Variants in TENM3 observed in about 807,000 individuals in gnomAD.
TENM3 encodes teneurin-3.
Under a neutral mutation model 255.1 loss-of-function variants are expected in TENM3, and 63 were observed. The ratio of observed to expected loss-of-function variants is 0.25; its 90% CI spans 0.20 to 0.30. TENM3 has a LOEUF of 0.30. Among genes scored for constraint, TENM3 ranks in the 10% least tolerant of loss-of-function variants. TENM3 has a pLI of 1.00. For missense variants in TENM3, 2,929 were observed against 3,461.1 expected (o/e 0.85, Z 3.86); for synonymous variants, 1,306 against 1,322.3 (o/e 0.99, Z 0.27).
At chr4:182,235,536 C>T (rs1756840999) in intron 1 of TENM3, among the ~76,000 whole-genome samples, 1 of 152,172 alleles carries the variant, frequency 6.6e-6, no homozygotes, top group Non-Finnish European at 1.5e-5. Flanking sequence ...GTAAGAATAG[C>T]AGAGAGCAAA....
chr4:182,308,924 A>G (rs976784672), intron 1 of TENM3, among the ~76,000 whole-genome samples: 1 of 152,158 alleles, frequency 6.6e-6, no homozygotes, highest in African/African-American at 2.4e-5. Flanking sequence ...CACGAAGAAA[A>G]ATATTCTAGA....
chr4:182,627,729 A>T (rs143858105), intron 4 of TENM3, among the ~76,000 whole-genome samples: 19 of 73,562 alleles, frequency 2.6e-4, no homozygotes, highest in African/African-American at 8.6e-4. Context: ...GTGCTTTTTT[A>T]AAATTTGGAG....
intron 27 of TENM3, among the ~76,000 whole-genome samples, chr4:182,796,986 T>C (rs1050643677): frequency 1.6e-4 from 25 of 152,134 alleles, no homozygotes; most frequent in African/African-American, 4.3e-4. Flanking sequence ...AATGAAAACA[T>C]AGAAATGCAG....
At chr4:182,686,933 T>C (rs1487940491) in intron 11 of TENM3, among the ~76,000 whole-genome samples, 1 of 152,048 alleles carries the variant, frequency 6.6e-6, no homozygotes, top group Admixed American at 6.5e-5. Flanking sequence ...AGATAGAAAA[T>C]ATTGCATGAA....
At chr4:181,865,402 T>G in the TENM3 span, among the ~76,000 whole-genome samples, 5 of 152,218 alleles carry the variant, frequency 3.3e-5, no homozygotes, top group Admixed American at 1.3e-4. Flanking sequence ...ATGATGGCCC[T>G]TCAGGGGACA....
At chr4:182,002,324 G>C in the TENM3 span, among the ~76,000 whole-genome samples, 2 of 152,086 alleles carry the variant, frequency 1.3e-5, no homozygotes, top group African/African-American at 4.8e-5. Flanking sequence ...ACAGGGGAGA[G>C]AGAGAGAGAG....
chr4:181,598,746 T>G, the TENM3 span, among the ~76,000 whole-genome samples: 23 of 151,842 alleles, frequency 1.5e-4, no homozygotes, highest in Non-Finnish European at 2.8e-4. Flanking sequence ...ATAATACAGC[T>G]ATGAAATTCT....
the TENM3 span, among the ~76,000 whole-genome samples, chr4:181,911,204 G>A: frequency 1.9e-4 from 29 of 152,156 alleles, no homozygotes; most frequent in African/African-American, 7.0e-4. Flanking sequence ...AAACCTGCCT[G>A]CATTCTTCAT....
chr4:182,630,334 C>T (rs77839441), intron 5 of TENM3, among the ~76,000 whole-genome samples: 2,265 of 152,134 alleles, frequency 0.015, 61 homozygotes, highest in African/African-American at 0.05. Flanking sequence ...TTCTAGTATT[C>T]GGTTAGAAAA....
rs747628733 is a variant in TENM3, at chr4:182,432,849, G to GGGGTGTGTGTGTGTGTGTGTGTGT, written c.511+85921_511+85922insGGTGTGTGTGTGTGTGTGTGTGTG. On this transcript the variant is annotated intron_variant, in intron 3 of 27. Coordinates refer to ENST00000511685, the MANE Select transcript of TENM3 (RefSeq NM_001080477.4). ...AATTTTTCATCAGGGAATGGATTTG[G>GGGGTGTGTGTGTGTGTGTGTGTGT]GTGTGTGTGTGTGTGTTTTAGTAGA... 3.5e-3 allele frequency among the ~76,000 whole-genome samples: 505 copies of GGGGTGTGTGTGTGTGTGTGTGTGT among 143,072 alleles called. 6 individuals are homozygous for GGGGTGTGTGTGTGTGTGTGTGTGT. The highest frequency in any genetic ancestry group is 0.012 in the African/African-American group (470 of 38,900). The allele number at this position is 143,072 out of a possible 152,430, so 93.9% of individuals were successfully genotyped here. A position where few individuals can be genotyped will look rare whatever the true frequency, so the allele number is the denominator to read the frequency against.
At chr4:182,181,659 G>A (rs1254999860) in intron 1 of TENM3, among the ~76,000 whole-genome samples, 1 of 151,924 alleles carries the variant, frequency 6.6e-6, no homozygotes, top group East Asian at 1.9e-4. Context: ...CAGCAGAGCC[G>A]AGTGGTCATT....
At chr4:181,647,727 G>A in the TENM3 span, among the ~76,000 whole-genome samples, 2 of 152,156 alleles carry the variant, frequency 1.3e-5, no homozygotes, top group Non-Finnish European at 2.9e-5. Context: ...CGTGGGATGT[G>A]CTGTGGGAAA....
At chr4:181,754,175 T>A in the TENM3 span, among the ~76,000 whole-genome samples, 1 of 152,100 alleles carries the variant, frequency 6.6e-6, no homozygotes, top group Admixed American at 6.6e-5. Context: ...AAAGCGAGTC[T>A]TGAAGTTATC....
At chr4:181,761,867 T>G in the TENM3 span, among the ~76,000 whole-genome samples, 1 of 152,194 alleles carries the variant, frequency 6.6e-6, no homozygotes, top group African/African-American at 2.4e-5. Context: ...GTGTACAATA[T>G]GTTTGTGTCT....
chr4:182,170,738 G>A (rs910388909), intron 1 of TENM3, among the ~76,000 whole-genome samples: 2 of 152,114 alleles, frequency 1.3e-5, no homozygotes, highest in Admixed American at 6.5e-5. Context: ...GCTCCTGTAA[G>A]ATTTATAGCA....
At chr4:181,507,014 T>A in the TENM3 span, among the ~76,000 whole-genome samples, 1 of 152,218 alleles carries the variant, frequency 6.6e-6, no homozygotes, top group African/African-American at 2.4e-5. Flanking sequence ...CCTGAAGGTT[T>A]CCTTCCAAAA....
the TENM3 span, among the ~76,000 whole-genome samples, chr4:182,127,709 A>G: frequency 6.6e-6 from 1 of 152,228 alleles, no homozygotes; most frequent in Non-Finnish European, 1.5e-5. Flanking sequence ...AGCAGAACAA[A>G]GTTTACTGAA....
chr4:181,526,573 G>C, the TENM3 span, among the ~76,000 whole-genome samples: 1 of 152,208 alleles, frequency 6.6e-6, no homozygotes, highest in Non-Finnish European at 1.5e-5. Context: ...GGGTGCCATA[G>C]TAGGTGCATG....
the TENM3 span, among the ~76,000 whole-genome samples, chr4:181,727,064 C>T: frequency 6.6e-6 from 1 of 152,188 alleles, no homozygotes. Context: ...TCCAGAAGTT[C>T]TCCAACTCCA....
Sources: gnomAD v4.1 joint callset for allele counts (sites outside exome capture counted in the v4.1 genomes callset) on GRCh38, gnomAD v4.1.1 for gene constraint, MANE v1.5 for transcripts, NCBI Gene and HGNC (gene_info 2026-07-23, HGNC 2026-07-21) for gene names.